Variants in TESPA1 observed in about 807,000 individuals in gnomAD.
TESPA1 encodes protein TESPA1.
A neutral mutation model predicts 57.9 loss-of-function variants in TESPA1; 33 were observed. The ratio of observed to expected loss-of-function variants is 0.57; its 90% CI spans 0.43 to 0.76. TESPA1 has a LOEUF of 0.76. Ranked by LOEUF, TESPA1 falls within the 30% of genes least tolerant of loss-of-function variation. The pLI, the probability that TESPA1 is intolerant of heterozygous loss-of-function variation, is 0.00. For missense variants in TESPA1, 618 were observed against 632.9 expected (o/e 0.98, Z 0.25); for synonymous variants, 227 against 228.9 (o/e 0.99, Z 0.07).
At chr12:54,966,764 G>A (rs1397922559) in intron 5 of TESPA1, among the ~76,000 whole-genome samples, 3 of 152,156 alleles carry the variant, frequency 2.0e-5, no homozygotes, top group Non-Finnish European at 4.4e-5. Context: ...ACAGCTCCCA[G>A]GAGACACTGG....
At chr12:54,951,849 G>GC (rs1334617740) in intron 10 of TESPA1, among the ~76,000 whole-genome samples, 5 of 139,970 alleles carry the variant, frequency 3.6e-5, no homozygotes, top group African/African-American at 1.3e-4. Context: ...TTTCTAAGTT[G>GC]TTTTTTTTTT....
intron 3 of TESPA1, among the ~76,000 whole-genome samples, chr12:54,970,186 C>T (rs183023251): frequency 1.4e-4 from 22 of 152,164 alleles, no homozygotes; most frequent in African/African-American, 4.6e-4. Context: ...AATCCTCCTG[C>T]CTTGGGCTCC....
intron 4 of TESPA1, among the ~76,000 whole-genome samples, chr12:54,967,526 G>A (rs1248883476): frequency 1.3e-5 from 2 of 151,782 alleles, no homozygotes; most frequent in Admixed American, 1.3e-4. Flanking sequence ...GCAAACATAT[G>A]GGGATGTGCA....
At chr12:54,965,998 C>T in intron 7 of TESPA1, 55 bp downstream of exon 7, 1 of 1,522,032 alleles carries the variant, frequency 6.6e-7, no homozygotes. Context: ...TGGTTCCATT[C>T]TCCTATGCTT....
In TESPA1 at chr12:54,950,272, G is replaced by C. The variant is rs1045893562; in HGVS notation, c.*120C>G. The C allele has an allele frequency of 1.8e-5, 8 of 456,716 alleles. No individual in the cohort carries two copies. In the East Asian group the frequency reaches 2.8e-4, roughly 16 times the overall value. The allele number at this position is 456,716 out of a possible 1,614,324, so 28.3% of individuals were successfully genotyped here. ...TCCTGCAGAGTTTGGGGGTTTGGAG[G>C]ACCAAGGAGTAGGGGCTGGATGTTG... is the stretch of plus-strand genomic sequence containing the variant. On this transcript the variant is annotated 3_prime_UTR_variant, in exon 11 of 11. Coordinates refer to ENST00000449076, the MANE Select transcript of TESPA1 (RefSeq NM_001136030.3).
At chr12:54,970,406 AT>A (rs1459761380) in intron 3 of TESPA1, among the ~76,000 whole-genome samples, 3 of 152,200 alleles carry the variant, frequency 2.0e-5, no homozygotes, top group Non-Finnish European at 4.4e-5. Context: ...ACTCACTTGT[AT>A]TCATTGGATA....
intron 3 of TESPA1, among the ~76,000 whole-genome samples, chr12:54,969,506 G>C (rs979452957): frequency 2.0e-5 from 3 of 151,984 alleles, no homozygotes; most frequent in African/African-American, 7.3e-5. Flanking sequence ...GTACCCAATG[G>C]ACATGCCTGC....
intron 9 of TESPA1, among the ~76,000 whole-genome samples, chr12:54,961,695 C>T (rs1341450211): frequency 6.6e-6 from 1 of 152,164 alleles, no homozygotes; most frequent in African/African-American, 2.4e-5. Context: ...TCTTTGGTTA[C>T]CCAGAATCAC....
chr12:54,964,340 C>T (rs755692150), intron 7 of TESPA1, among the ~76,000 whole-genome samples: 7 of 152,166 alleles, frequency 4.6e-5, no homozygotes, highest in African/African-American at 7.2e-5. Flanking sequence ...GTGGTTGTTG[C>T]GTGGGACAAC....
chr12:54,963,831 G>A lies in TESPA1; in HGVS notation c.566C>T (p.Pro189Leu), dbSNP rs758911223. The change falls in exon 8 of 11, where the codon CCC becomes CTC. Residue 189 changes from proline (P) to leucine (L), a missense_variant. Physicochemically the swap from Pro to Leu is moderately conservative, Grantham distance 98. Coordinates refer to ENST00000449076, the MANE Select transcript of TESPA1 (RefSeq NM_001136030.3). Reference protein sequence around the residue: ...SRIPARFFTTPSQAKGIDFQL... With the variant: ...SRIPARFFTTLSQAKGIDFQL... ...GAAATCAATGCCCTTGGCCTGAGAGGGGGTGGTGAAAAATCGGGCGGGTAT... is the reference window on the plus strand; with the variant it reads ...GAAATCAATGCCCTTGGCCTGAGAGAGGGTGGTGAAAAATCGGGCGGGTAT... 1 of 1,613,882 alleles carries A rather than the reference G, an allele frequency of 6.2e-7. No individual in the cohort carries two copies. The highest frequency in any genetic ancestry group is 8.5e-7 in the Non-Finnish European group (1 of 1,179,888).
At chr12:54,976,558 G>A in intron 1 of TESPA1, among the ~76,000 whole-genome samples, 1 of 150,898 alleles carries the variant, frequency 6.6e-6, no homozygotes, top group South Asian at 2.1e-4. Context: ...AAGAAGGAGG[G>A]AGGGAGGGAG....
At chr12:54,984,260 G>C (rs1202439036) in intron 1 of TESPA1, 1 of 152,054 alleles carries the variant, frequency 6.6e-6, no homozygotes, top group Non-Finnish European at 1.5e-5. Context: ...AAGACACAGA[G>C]AAGAACTTTG....
intron 1 of TESPA1, among the ~76,000 whole-genome samples, chr12:54,975,367 G>A (rs769833939): frequency 1.3e-5 from 2 of 151,966 alleles, no homozygotes; most frequent in Non-Finnish European, 2.9e-5. Flanking sequence ...TAATCCTGTC[G>A]ATTCATATTT....
At chr12:54,984,539 C>T (rs1455141251) in intron 1 of TESPA1, 46 bp downstream of exon 1, 1 of 152,166 alleles carries the variant, frequency 6.6e-6, no homozygotes, top group Non-Finnish European at 1.5e-5. Flanking sequence ...CCTAGCATCA[C>T]CCTAAATCAG....
intron 10 of TESPA1, among the ~76,000 whole-genome samples, chr12:54,957,099 C>A (rs1195396695): frequency 6.6e-6 from 1 of 152,068 alleles, no homozygotes; most frequent in Admixed American, 6.5e-5. Flanking sequence ...AGGCACTCAC[C>A]CTATGTGAAT....
In TESPA1 at chr12:54,962,690, C is replaced by T. The variant is rs267603555; in HGVS notation, c.1208G>A (p.Ser403Asn). ...HSLPIEDPQW[S>N]TDPAQIRREL... ...TCTCCTTATCTGAGCTGGGTCTGTG[C>T]TCCACTGTGGATCTTCTATGGGCAG... The change falls in exon 9 of 11, where the codon AGC becomes AAC. Residue 403 changes from serine (S) to asparagine (N), a missense_variant. By Grantham distance (46) the Ser-to-Asn change is conservative (BLOSUM62 1). Coordinates refer to ENST00000449076, the MANE Select transcript of TESPA1 (RefSeq NM_001136030.3). The T allele has an allele frequency of 1.9e-6, 3 of 1,613,984 alleles. No individual in the cohort carries two copies. Among genetic ancestry groups the T allele is most frequent in the Non-Finnish European group, 2.5e-6 (3 of 1,179,894 alleles).
At chr12:54,972,683 G>A (rs1951910006) in intron 3 of TESPA1, among the ~76,000 whole-genome samples, 1 of 152,138 alleles carries the variant, frequency 6.6e-6, no homozygotes, top group Non-Finnish European at 1.5e-5. Flanking sequence ...TTGGGTACAG[G>A]TGAAATAAAC....
intron 1 of TESPA1, among the ~76,000 whole-genome samples, chr12:54,977,725 A>G (rs1303843817): frequency 6.6e-6 from 1 of 152,228 alleles, no homozygotes; most frequent in Non-Finnish European, 1.5e-5. Context: ...TGAGAATGTA[A>G]TAATTTTTCT....
rs191703973 is a variant in TESPA1, at chr12:54,962,639, T to C, written c.1259A>G (p.Asn420Ser). Residue 420 changes from asparagine to serine, a missense_variant, in exon 9 of 11, where the codon AAT becomes AGT. Physicochemically the swap from Asn to Ser is conservative, Grantham distance 46. Around this residue, in one of 3 missense-constraint regions of TESPA1, gnomAD observed 409 missense variants for 420.1 expected, o/e 0.97. Coordinates refer to ENST00000449076, the MANE Select transcript of TESPA1 (RefSeq NM_001136030.3). Reference protein sequence around the residue: ...RRELCSLPATNTETHPAKDET... With the variant: ...RRELCSLPATSTETHPAKDET... ...ATCCTTGGCTGGATGGGTTTCCGTA[T>C]TGGTGGCTGGTAGACTACACAGCTC... 3 of 1,613,972 alleles carry C rather than the reference T, an allele frequency of 1.9e-6. No homozygotes were observed. Among genetic ancestry groups the C allele is most frequent in the East Asian group, 4.5e-5 (2 of 44,864 alleles).
Sources: gnomAD v4.1 joint callset for allele counts (sites outside exome capture counted in the v4.1 genomes callset) on GRCh38, gnomAD v4.1.1 for gene constraint, gnomAD v4.1.1 regional missense constraint, MANE v1.5 for transcripts, NCBI Gene and HGNC (gene_info 2026-07-23, HGNC 2026-07-21) for gene names.